The following PCDHA9 variants were observed in gnomAD, a reference collection of about 807,000 sequenced individuals.
PCDHA9 encodes the protein protocadherin alpha 9, also known as protocadherin alpha-9.
A neutral mutation model predicts 62.0 loss-of-function variants in PCDHA9; 62 were observed. The ratio of observed to expected loss-of-function variants is 1.00; its 90% CI spans 0.81 to 1.23. The LOEUF is 1.23. Among genes scored for constraint, PCDHA9 ranks in the 50% most tolerant of loss-of-function variants. The pLI is 0.00. For synonymous variants in PCDHA9, 557 were observed against 567.6 expected, an observed-to-expected ratio of 0.98 and a Z score of 0.27; for missense variants, 1,205 against 1,249.8, an observed-to-expected ratio of 0.96 and a Z score of 0.54.
chr5:140,927,374 A>G (rs1026302775), intron 1 of PCDHA9: 5 of 1,614,100 alleles, frequency 3.1e-6, no homozygotes, highest in Non-Finnish European at 4.2e-6. Context: ...ATACTAAGCT[A>G]CAGCCTAAGC....
chr5:140,933,567 A>G lies in PCDHA9; in HGVS notation c.2395-45382A>G, dbSNP rs146986632. ...AATATAAAATAAAAACCAATTAAGA[A>G]GTCTTAATAGTGGGTTTTTAGGTTG... On this transcript the variant is annotated intron_variant, in intron 1 of 3. Coordinates refer to ENST00000532602, the MANE Select transcript of PCDHA9 (RefSeq NM_031857.2). Among the ~76,000 whole-genome samples the G allele has an allele frequency of 5.4e-3, 827 of 152,184 alleles. 4 individuals are homozygous for G. Among genetic ancestry groups the G allele is most frequent in the African/African-American group, 0.019 (796 of 41,566 alleles).
At chr5:140,907,938 T>C (rs2073706734) in intron 1 of PCDHA9, among the ~76,000 whole-genome samples, 1 of 152,206 alleles carries the variant, frequency 6.6e-6, no homozygotes, top group African/African-American at 2.4e-5. Flanking sequence ...TCACATACCT[T>C]TTCCCCAAAT....
At chr5:140,856,856 G>A in intron 1 of PCDHA9, 1 of 1,594,396 alleles carries the variant, frequency 6.3e-7, no homozygotes, top group Non-Finnish European at 8.6e-7. Context: ...TGATTCGGAT[G>A]AAGGAATAAA....
At chr5:140,864,577 A>G (rs1554158987) in intron 1 of PCDHA9, 2 of 152,198 alleles carry the variant, frequency 1.3e-5, no homozygotes, top group African/African-American at 4.8e-5. Context: ...TTGTCTTCAC[A>G]ATCTTCAACT....
At chr5:140,882,481 C>A in intron 1 of PCDHA9, 1 of 1,614,038 alleles carries the variant, frequency 6.2e-7, no homozygotes, top group Non-Finnish European at 8.5e-7. Flanking sequence ...CCAAAAGACA[C>A]GGGGACCTTC....
At chr5:140,959,859 T>A (rs2095514385) in intron 1 of PCDHA9, among the ~76,000 whole-genome samples, 1 of 152,192 alleles carries the variant, frequency 6.6e-6, no homozygotes, top group South Asian at 2.1e-4. Context: ...AGGAATTATG[T>A]AGCAAAATCT....
chr5:141,005,142 T>C (rs1554259898), intron 3 of PCDHA9, among the ~76,000 whole-genome samples: 1 of 152,234 alleles, frequency 6.6e-6, no homozygotes, highest in African/African-American at 2.4e-5. Flanking sequence ...ATTGGAGAGT[T>C]GTTTGGTCTG....
chr5:140,924,785 C>G (rs2082005933), intron 1 of PCDHA9, among the ~76,000 whole-genome samples: 1 of 151,704 alleles, frequency 6.6e-6, no homozygotes, highest in African/African-American at 2.4e-5. Context: ...GTCCTAGCTA[C>G]TTAGGAGGCT....
chr5:140,871,032 C>G (rs1554165004), intron 1 of PCDHA9: 1 of 1,613,304 alleles, frequency 6.2e-7, no homozygotes. Flanking sequence ...ACTCGCCGCG[C>G]CACCGACTTC....
intron 1 of PCDHA9, among the ~76,000 whole-genome samples, chr5:140,944,008 C>T (rs1253527034): frequency 1.3e-5 from 2 of 152,054 alleles, no homozygotes; most frequent in Non-Finnish European, 2.9e-5. Context: ...GAGTACCCCC[C>T]AAAAGCAATT....
At chr5:140,966,680 A>AGCG in intron 1 of PCDHA9, 1 of 1,317,158 alleles carries the variant, frequency 7.6e-7, no homozygotes, top group Non-Finnish European at 9.8e-7. Flanking sequence ...GGGTGGCACG[A>AGCG]GCGGAGGCGG....
At chr5:140,977,379 C>T (rs921133722) in intron 1 of PCDHA9, among the ~76,000 whole-genome samples, 4 of 152,134 alleles carry the variant, frequency 2.6e-5, no homozygotes, top group African/African-American at 2.4e-5. Flanking sequence ...AGTCATATTT[C>T]CAGGTTTATA....
intron 1 of PCDHA9, chr5:140,882,442 G>A (rs1554174153): frequency 6.2e-7 from 1 of 1,613,948 alleles, no homozygotes; most frequent in African/African-American, 1.3e-5. Context: ...AGCTGGCGGA[G>A]CTGGTGCCGC....
At chr5:140,858,889 A>G (rs1265560651) in intron 1 of PCDHA9, 1 of 236,296 alleles carries the variant, frequency 4.2e-6, no homozygotes. Context: ...CATGTGTAGA[A>G]TATGTGTAGC....
intron 1 of PCDHA9, chr5:140,877,042 G>C: frequency 6.2e-7 from 1 of 1,612,636 alleles, no homozygotes; most frequent in Non-Finnish European, 8.5e-7. Context: ...GCAGCCGCTA[G>C]ACCACGAGGA....
chr5:140,949,040 A>G (rs1419524123), intron 1 of PCDHA9, among the ~76,000 whole-genome samples: 1 of 151,758 alleles, frequency 6.6e-6, no homozygotes, highest in Non-Finnish European at 1.5e-5. Flanking sequence ...ATTTAAAAGT[A>G]TGTTCTAATT....
At chr5:140,992,918 A>C (rs1362238628) in intron 3 of PCDHA9, among the ~76,000 whole-genome samples, 2 of 152,186 alleles carry the variant, frequency 1.3e-5, no homozygotes, top group Non-Finnish European at 2.9e-5. Context: ...GGCCCTCTCC[A>C]TACTTACAGC....
chr5:140,869,343 G>A (rs1554162925), intron 1 of PCDHA9: 1 of 1,613,974 alleles, frequency 6.2e-7, no homozygotes, highest in African/African-American at 1.3e-5. Context: ...TAAATCTGCA[G>A]AATGGCATTT....
At chr5:140,871,523 G>T in intron 1 of PCDHA9, 1 of 1,546,536 alleles carries the variant, frequency 6.5e-7, no homozygotes, top group Non-Finnish European at 8.7e-7. Context: ...CCACCTATCA[G>T]GAAGTGTATG....
Sources: gnomAD v4.1 joint callset for allele counts (sites outside exome capture counted in the v4.1 genomes callset) on GRCh38, gnomAD v4.1.1 for gene constraint, MANE v1.5 for transcripts, NCBI Gene and HGNC (gene_info 2026-07-23, HGNC 2026-07-21) for gene names.